Variants in MCF2L2 observed in about 807,000 individuals in gnomAD.
The protein encoded by MCF2L2 is MCF.2 cell line derived transforming sequence-like 2.
In MCF2L2, 102 loss-of-function variants were observed where a neutral mutation model predicts 150.2. The observed-to-expected ratio is 0.68, with a 90% confidence interval of 0.58 to 0.80. The LOEUF (loss-of-function observed/expected upper bound fraction) is 0.80. Among genes scored for constraint, MCF2L2 ranks in the 30% least tolerant of loss-of-function variants. The probability of loss-of-function intolerance (pLI) is 0.00; values close to 1 mark genes in which losing one functional copy is unlikely to be tolerated. For missense variants in MCF2L2, 1,256 were observed against 1,372.8 expected, an observed-to-expected ratio of 0.91 and a Z score of 1.34; for synonymous variants, 465 against 491.3, an observed-to-expected ratio of 0.95 and a Z score of 0.71.
chr3:183,215,795 A>AG (rs1188058545), intron 22 of MCF2L2, among the ~76,000 whole-genome samples, 174 bp downstream of exon 22: 1 of 152,208 alleles, frequency 6.6e-6, no homozygotes, highest in African/African-American at 2.4e-5. Context: ...GAAGATGCCA[A>AG]GGGACAGCTT....
At chr3:183,395,150 A>G (rs1295094119) in intron 1 of MCF2L2, among the ~76,000 whole-genome samples, 1 of 152,228 alleles carries the variant, frequency 6.6e-6, no homozygotes, top group Non-Finnish European at 1.5e-5. Context: ...CACTCATCCT[A>G]TATCTGAAAA....
chr3:183,230,359 C>G (rs1723503619), intron 16 of MCF2L2, among the ~76,000 whole-genome samples: 1 of 152,186 alleles, frequency 6.6e-6, no homozygotes, highest in Non-Finnish European at 1.5e-5. Context: ...GGCGATCCAC[C>G]CGCCTCGGCC....
intron 3 of MCF2L2, chr3:183,372,346 C>A (rs908399159): frequency 1.3e-5 from 2 of 152,090 alleles, no homozygotes; most frequent in African/African-American, 4.8e-5. Flanking sequence ...CATTTTAGGC[C>A]ACTTATCATA....
chr3:183,200,667 C>T (rs560755133), intron 25 of MCF2L2, among the ~76,000 whole-genome samples: 8 of 152,146 alleles, frequency 5.3e-5, no homozygotes, highest in Non-Finnish European at 1.2e-4. Context: ...GTTGCCATTG[C>T]TTTTGGTGTT....
intron 9 of MCF2L2, 34 bp downstream of exon 9, chr3:183,310,881 G>T (rs1217577978): frequency 7.5e-6 from 11 of 1,473,092 alleles, no homozygotes; most frequent in Non-Finnish European, 1.0e-5. Flanking sequence ...CCCGGTACCA[G>T]AAAAGAAAGT....
At chr3:183,416,776 T>C (rs1246230480) in intron 1 of MCF2L2, among the ~76,000 whole-genome samples, 1 of 151,992 alleles carries the variant, frequency 6.6e-6, no homozygotes, top group Non-Finnish European at 1.5e-5. Flanking sequence ...GTACAGCAAC[T>C]ATTTACACAG....
intron 3 of MCF2L2, among the ~76,000 whole-genome samples, chr3:183,365,302 G>T (rs1334075946): frequency 6.6e-6 from 1 of 152,090 alleles, no homozygotes; most frequent in Admixed American, 6.5e-5. Flanking sequence ...CCAATGACAA[G>T]ATCAACAAGT....
intron 15 of MCF2L2, among the ~76,000 whole-genome samples, chr3:183,239,374 T>C (rs746254723): frequency 1.4e-4 from 22 of 152,240 alleles, no homozygotes; most frequent in Non-Finnish European, 3.2e-4. Context: ...AAAACAGAGC[T>C]TTGGATATCT....
At chr3:183,248,700 T>G (rs1258403575) in intron 15 of MCF2L2, among the ~76,000 whole-genome samples, 2 of 151,982 alleles carry the variant, frequency 1.3e-5, no homozygotes, top group Non-Finnish European at 2.9e-5. Context: ...TATTTGGGCG[T>G]GATGGGGTGC....
At chr3:183,322,005 C>G (rs931699497) in intron 6 of MCF2L2, among the ~76,000 whole-genome samples, 1 of 152,256 alleles carries the variant, frequency 6.6e-6, no homozygotes, top group African/African-American at 2.4e-5. Context: ...GGGGGCATAA[C>G]AGCTCCCTTC....
At chr3:183,405,860 C>T (rs1013921207) in intron 1 of MCF2L2, among the ~76,000 whole-genome samples, 2 of 152,124 alleles carry the variant, frequency 1.3e-5, no homozygotes, top group African/African-American at 2.4e-5. Flanking sequence ...GGGTTATAGG[C>T]GCAAGCCACC....
rs151122041 is a variant in MCF2L2, at chr3:183,180,663, G to C, written c.3017-504C>G. On this transcript the variant is annotated intron_variant, in intron 27 of 29. Coordinates refer to ENST00000328913, the MANE Select transcript of MCF2L2 (RefSeq NM_015078.4). ...AGTGAACTGATTAATTAATCCATCA[G>C]TCTTGTCTATGGCGCACATGTTACA... 6.7e-3 allele frequency among the ~76,000 whole-genome samples: 1,014 copies of C among 152,334 alleles called. 13 individuals carry two copies. Among genetic ancestry groups the C allele is most frequent in the African/African-American group, 0.022 (908 of 41,572 alleles).
intron 7 of MCF2L2, among the ~76,000 whole-genome samples, chr3:183,315,575 A>T (rs1024641059): frequency 5.9e-5 from 9 of 152,170 alleles, no homozygotes; most frequent in Middle Eastern, 3.2e-3. Context: ...CTCCAAGGTT[A>T]CTCCAACCCA....
intron 2 of MCF2L2, among the ~76,000 whole-genome samples, chr3:183,382,422 G>C (rs976610934): frequency 1.1e-4 from 16 of 152,280 alleles, no homozygotes; most frequent in African/African-American, 3.8e-4. Context: ...AAAAGGTGAA[G>C]TTTTCTTCTA....
rs559671897 is a variant in MCF2L2, at chr3:183,211,808, T to C, written c.2497-3985A>G. 6.6e-5 allele frequency among the ~76,000 whole-genome samples: 10 copies of C among 152,272 alleles called. No homozygotes were observed. The South Asian group carries it at 2.1e-3, about 32-fold the overall frequency. On this transcript the variant is annotated intron_variant, in intron 22 of 29. Transcript: ENST00000328913. ...TGGGAGTAGGGGACAGGAAACAAAA[T>C]ACTCATCACTGTGAGGGAATATTGA...
At chr3:183,373,251 T>C (rs1293532976) in intron 3 of MCF2L2, 1 of 152,232 alleles carries the variant, frequency 6.6e-6, no homozygotes, top group Non-Finnish European at 1.5e-5. Flanking sequence ...GATGTGGTAA[T>C]GATTTCTGTG....
chr3:183,328,337 C>T (rs572664490), intron 5 of MCF2L2, among the ~76,000 whole-genome samples: 1 of 152,156 alleles, frequency 6.6e-6, no homozygotes, highest in South Asian at 2.1e-4. Flanking sequence ...TGTCAGAACC[C>T]CCCTAATCCA....
intron 19 of MCF2L2, among the ~76,000 whole-genome samples, chr3:183,223,676 C>G (rs2108663480): frequency 6.6e-6 from 1 of 152,180 alleles, no homozygotes; most frequent in South Asian, 2.1e-4. Flanking sequence ...GGAAGCAGAA[C>G]CATTTATTTC....
chr3:183,221,953 A>G lies in MCF2L2; in HGVS notation c.2301+1393T>C, dbSNP rs80242187. Among the ~76,000 whole-genome samples the G allele has an allele frequency of 1.4e-3, 212 of 152,368 alleles. 3 individuals carry two copies. In the East Asian group the frequency reaches 0.036, roughly 26 times the overall value. On this transcript the variant is annotated intron_variant, in intron 20 of 29. Transcript: ENST00000328913. Reference sequence around the variant, plus strand: ...CTAAGGCCCAAGAGGGCAAGGTCTCATAACTGACAAATGGCAGAGTACACC... The same window carrying G: ...CTAAGGCCCAAGAGGGCAAGGTCTCGTAACTGACAAATGGCAGAGTACACC...
Sources: gnomAD v4.1 joint callset for allele counts (sites outside exome capture counted in the v4.1 genomes callset) on GRCh38, gnomAD v4.1.1 for gene constraint, MANE v1.5 for transcripts, NCBI Gene and HGNC (gene_info 2026-07-23, HGNC 2026-07-21) for gene names.